BMP2: variants seen among roughly 807,000 people sequenced by gnomAD.
The protein encoded by BMP2 is bone morphogenetic protein 2, also known as bone morphogenetic protein 2A.
A neutral mutation model predicts 28.8 loss-of-function variants in BMP2; 2 were observed. The observed-to-expected ratio is 0.07, with a 90% confidence interval of 0.03 to 0.22. BMP2 has a LOEUF of 0.22. BMP2 is among the 10% of genes least tolerant of loss of function. BMP2 has a pLI of 1.00. For missense variants in BMP2, 437 were observed against 517.7 expected (o/e 0.84, Z 1.51); for synonymous variants, 218 against 204.3 (o/e 1.07, Z -0.57).
Position 6,779,178 on chromosome 20 carries a change from T to G in BMP2, c.*89T>G, listed in dbSNP as rs865833966. On this transcript the variant is annotated 3_prime_UTR_variant, in exon 3 of 3. Coordinates refer to ENST00000378827, the MANE Select transcript of BMP2 (RefSeq NM_001200.4). The stretch of plus-strand genomic sequence containing the variant: ...AACAAACAAAAAAACCCCACCCCAG[T>G]TGACACTTTAATATTTCCCAATGAA... The G allele has an allele frequency of 7.8e-5, 45 of 576,520 alleles. No individual in the cohort carries two copies. Among genetic ancestry groups the G allele is most frequent in the Non-Finnish European group, 1.0e-4 (44 of 420,158 alleles). 35.7% of individuals were successfully genotyped at this position (576,520 alleles called of 1,614,324 possible).
Position 6,767,885 on chromosome 20 carries a change from G to T in BMP2, c.-998G>T. 1 of 364,648 alleles carries T rather than the reference G, an allele frequency of 2.7e-6. No homozygotes were observed. Among genetic ancestry groups the T allele is most frequent in the Non-Finnish European group, 4.9e-6 (1 of 204,658 alleles). 22.6% of individuals were successfully genotyped at this position (364,648 alleles called of 1,614,324 possible). ...GATCACCGGGGACCGCGAGGCACCCGCGCGCCGCAGACCCCGCGCGGGCTG... is the reference window on the plus strand; with the variant it reads ...GATCACCGGGGACCGCGAGGCACCCTCGCGCCGCAGACCCCGCGCGGGCTG... On this transcript the variant is annotated 5_prime_UTR_variant, in exon 1 of 3. Transcript: ENST00000378827.
chr20:6,770,055 G>A, intron 1 of BMP2, 65 bp from the exon 2 acceptor site: 2 of 1,453,962 alleles, frequency 1.4e-6, no homozygotes, highest in Non-Finnish European at 1.8e-6. Context: ...AGACCGGGCC[G>A]CGGGGGCGCG....
chr20:6,775,354 G>C (rs552238454), intron 2 of BMP2, among the ~76,000 whole-genome samples: 1 of 152,288 alleles, frequency 6.6e-6, no homozygotes, highest in East Asian at 1.9e-4. Context: ...CTGGGTTTGA[G>C]GGTTTCTGTG....
rs1457867249 is a variant in BMP2, at chr20:6,770,115, C to T, written c.-7-5C>T. 2.0e-6 allele frequency: 3 copies of T among 1,532,450 alleles called. No individual in the cohort carries two copies. The highest frequency in any genetic ancestry group is 1.2e-5 in the South Asian group (1 of 83,252). 94.9% of individuals were successfully genotyped at this position (1,532,450 alleles called of 1,614,324 possible). The stretch of plus-strand genomic sequence containing the variant: ...TCGGGTGACTCACGTCGGTCCTGTC[C>T]GCAGGTCGACCATGGTGGCCGGGAC... On this transcript the variant is annotated splice_region_variant and splice_polypyrimidine_tract_variant and intron_variant, in intron 1 of 2. Transcript: ENST00000378827.
At chr20:6,775,320 C>A (rs1212912585) in intron 2 of BMP2, among the ~76,000 whole-genome samples, 3 of 152,104 alleles carry the variant, frequency 2.0e-5, no homozygotes, top group African/African-American at 7.2e-5. Context: ...AGCGTATATT[C>A]CCTAACCTTG....
At chr20:6,777,450 C>T (rs1986522658) in intron 2 of BMP2, among the ~76,000 whole-genome samples, 1 of 151,954 alleles carries the variant, frequency 6.6e-6, no homozygotes, top group Admixed American at 6.6e-5. Flanking sequence ...GCATTGCAAA[C>T]AGAAGACAGG....
At position 6,778,363 on chromosome 20, in the gene BMP2, A is replaced by G; in HGVS notation, c.465A>G (p.Glu155=). 6.2e-7 allele frequency: 1 copy of G among 1,614,232 alleles called. No homozygotes were observed. The highest frequency in any genetic ancestry group is 8.5e-7 in the Non-Finnish European group (1 of 1,180,032). Residue 155 remains glutamate (E), a synonymous_variant, in exon 3 of 3, where the codon GAA becomes GAG. Coordinates refer to ENST00000378827, the MANE Select transcript of BMP2 (RefSeq NM_001200.4). This position sits in a 1 kb window ranked among gnomAD's most constrained non-coding sequence, Gnocchi z 5.0. ...CAGCAGAGCTTCAGGTTTTCCGAGA[A>G]CAGATGCAAGATGCTTTAGGAAACA... The part of the protein sequence containing the change: ...ITSAELQVFR[E]QMQDALGNNS...
chr20:6,778,608 A>G lies in BMP2; in HGVS notation c.710A>G (p.Gln237Arg), dbSNP rs143336052. Residue 237 changes from glutamine (Q) to arginine (R), a missense_variant, in exon 3 of 3, where the codon CAA (glutamine) becomes CGA (arginine). Around this residue, in one of 2 missense-constraint regions of BMP2, gnomAD observed 363 missense variants for 392.8 expected, o/e 0.92. Transcript: ENST00000378827. The surrounding 1 kb of genome is among the most constrained non-coding windows in gnomAD (Gnocchi z 5.0). The stretch of plus-strand genomic sequence containing the variant: ...GAAGTGGCCCACTTGGAGGAGAAAC[A>G]AGGTGTCTCCAAGAGACATGTTAGG... ...VVEVAHLEEK[Q>R]GVSKRHVRIS... 1 of 1,613,956 alleles carries G rather than the reference A, an allele frequency of 6.2e-7. No individual in the cohort carries two copies. The highest frequency in any genetic ancestry group is 8.5e-7 in the Non-Finnish European group (1 of 1,179,990).
rs1986571840 is a variant in BMP2 at position 6,779,168 on chromosome 20, C to A, written c.*79C>A. 3 of 694,030 alleles carry A rather than the reference C, an allele frequency of 4.3e-6. No individual in the cohort carries two copies. Among genetic ancestry groups the A allele is most frequent in the Non-Finnish European group, 5.7e-6 (3 of 526,482 alleles). The allele number at this position is 694,030 out of a possible 1,614,324, so 43.0% of individuals were successfully genotyped here. A position where few individuals can be genotyped will look rare whatever the true frequency, so the allele number is the denominator to read the frequency against. ...GAAAAAAACAAACAAACAAAAAAAC[C>A]CCACCCCAGTTGACACTTTAATATT... On this transcript the variant is annotated 3_prime_UTR_variant, in exon 3 of 3. Coordinates refer to ENST00000378827, the MANE Select transcript of BMP2 (RefSeq NM_001200.4).
chr20:6,778,459 C>T lies in BMP2; in HGVS notation c.561C>T (p.Pro187=), dbSNP rs149465465. 2.4e-4 allele frequency: 392 copies of T among 1,614,150 alleles called. No individual in the cohort carries two copies. Among genetic ancestry groups the T allele is most frequent in the African/African-American group, 1.9e-3 (146 of 75,022 alleles). The change falls in exon 3 of 3, where the codon CCC becomes CCT. Residue 187 remains proline (P), a synonymous_variant. Coordinates refer to ENST00000378827, the MANE Select transcript of BMP2 (RefSeq NM_001200.4). This position sits in a 1 kb window ranked among gnomAD's most constrained non-coding sequence, Gnocchi z 5.0. ...CTGCAACAGCCAACTCGAAATTCCCCGTGACCAGACTTTTGGACACCAGGT... is the reference window on the plus strand; with the variant it reads ...CTGCAACAGCCAACTCGAAATTCCCTGTGACCAGACTTTTGGACACCAGGT... ...IKPATANSKF[P]VTRLLDTRLV...
In BMP2 at chr20:6,768,283, G is replaced by C. The variant is rs1406247162; in HGVS notation, c.-600G>C. 1.3e-5 allele frequency: 5 copies of C among 397,974 alleles called. No individual in the cohort carries two copies. Among genetic ancestry groups the C allele is most frequent in the Non-Finnish European group, 2.2e-5 (5 of 225,780 alleles). 24.7% of individuals were successfully genotyped at this position (397,974 alleles called of 1,614,324 possible). ...CACTGGAGTAAGGCAGAGTGATGCG[G>C]GGGGGCAACTCGCCTGGCACCGAGA... On this transcript the variant is annotated 5_prime_UTR_variant, in exon 1 of 3. Transcript: ENST00000378827.
In BMP2 at chr20:6,768,743, AAGG is replaced by A; in HGVS notation, c.-133_-131del. On this transcript the variant is annotated 5_prime_UTR_variant, in exon 1 of 3. Transcript: ENST00000378827. ...AGACTGCGCGGCCGGCACCCGGGAG[AAGG>A]AGGAGGCAAAGAAAAGGAACGGACA... is the stretch of plus-strand genomic sequence containing the variant. 2.5e-6 allele frequency: 1 copy of A among 397,998 alleles called. No homozygotes were observed. The highest frequency in any genetic ancestry group is 3.6e-5 in the East Asian group (1 of 28,026). The allele number at this position is 397,998 out of a possible 1,614,324, so 24.7% of individuals were successfully genotyped here.
At chr20:6,775,465 G>C (rs577571718) in intron 2 of BMP2, among the ~76,000 whole-genome samples, 1 of 152,226 alleles carries the variant, frequency 6.6e-6, no homozygotes, top group Admixed American at 6.5e-5. Context: ...GATTCACTGA[G>C]GTGCAGTGGG....
At chr20:6,769,581 C>T (rs1244514675) in intron 1 of BMP2, among the ~76,000 whole-genome samples, 2 of 148,282 alleles carry the variant, frequency 1.3e-5, no homozygotes, top group Non-Finnish European at 1.5e-5. Context: ...GAAGTTGTGG[C>T]CTTGAGCTTA....
At chr20:6,770,622 AT>A in intron 2 of BMP2, 150 bp downstream of exon 2, 1 of 793,478 alleles carries the variant, frequency 1.3e-6, no homozygotes, top group Non-Finnish European at 1.9e-6. Flanking sequence ...TCTGAATCTG[AT>A]TTTAACTCAC....
intron 2 of BMP2, among the ~76,000 whole-genome samples, chr20:6,775,279 C>A (rs879938251): frequency 2.0e-4 from 31 of 152,258 alleles, no homozygotes; most frequent in Middle Eastern, 6.8e-3. Context: ...AGAAAAGATT[C>A]GTACTCTTCC....
chr20:6,770,090 T>C, intron 1 of BMP2, 30 bp from the exon 2 acceptor site: 3 of 1,501,306 alleles, frequency 2.0e-6, no homozygotes, highest in East Asian at 2.5e-5. Flanking sequence ...GGCGGGGAAC[T>C]CGGGTGACTC....
chr20:6,770,545 G>C (rs776338362), intron 2 of BMP2, 73 bp downstream of exon 2: 4 of 1,436,230 alleles, frequency 2.8e-6, no homozygotes, highest in Non-Finnish European at 3.7e-6. Context: ...GACTGCAGCC[G>C]TCCCTGTAGA....
At position 6,770,408 on chromosome 20, in the gene BMP2, C is replaced by A; in HGVS notation, c.282C>A (p.Ala94=). 8 of 1,611,818 alleles carry A rather than the reference C, an allele frequency of 5.0e-6. No individual in the cohort carries two copies. Among genetic ancestry groups the A allele is most frequent in the Non-Finnish European group, 5.9e-6 (7 of 1,179,062 alleles). Residue 94 remains alanine (A), a synonymous_variant, in exon 2 of 3, where the codon GCC becomes GCA. Coordinates refer to ENST00000378827, the MANE Select transcript of BMP2 (RefSeq NM_001200.4). ...ACTCAGGTCAGCCGGGCTCACCCGC[C>A]CCAGACCACCGGTTGGAGAGGGCAG... ...RRHSGQPGSP[A]PDHRLERAAS... is the part of the protein sequence containing the mutation.
Sources: allele counts gnomAD v4.1 joint callset (sites outside exome capture counted in the v4.1 genomes callset), GRCh38; gene constraint gnomAD v4.1.1; regional missense constraint gnomAD v4.1.1; non-coding constraint Gnocchi (gnomAD v3.1); transcripts MANE v1.5; gene names NCBI Gene and HGNC (gene_info 2026-07-23, HGNC 2026-07-21).